Variants in PIGN observed in about 807,000 individuals in gnomAD.
The protein encoded by PIGN is GPI ethanolamine phosphate transferase 1.
PIGN carries 117 observed loss-of-function variants against 125.4 expected under a neutral mutation model. The ratio of observed to expected loss-of-function variants is 0.93; its 90% CI spans 0.80 to 1.09. The LOEUF (loss-of-function observed/expected upper bound fraction) is 1.09, where lower values mean the gene tolerates loss of function less well. Ranked by LOEUF, PIGN falls within the 50% of genes least tolerant of loss-of-function variation. The pLI, the probability that PIGN is intolerant of heterozygous loss-of-function variation, is 0.00. For missense variants in PIGN, 1,075 were observed against 1,094.9 expected (o/e 0.98, Z 0.26); for synonymous variants, 392 against 377.8 (o/e 1.04, Z -0.44).
Position 62,147,055 on chromosome 18 carries a change from T to G in PIGN, c.721A>C (p.Ile241Leu). 2 of 1,608,778 alleles carry G rather than the reference T, an allele frequency of 1.2e-6. No individual in the cohort carries two copies. Among genetic ancestry groups the G allele is most frequent in the Non-Finnish European group, 1.7e-6 (2 of 1,175,858 alleles). ...TAGAAGTGGTTAAACATAGACACGA[T>G]TTCTTTAACTCCATCATCAACTTTT... Reference protein sequence around the residue: ...IKKVDDGVKEIVSMFNHFYGN... With the variant: ...IKKVDDGVKELVSMFNHFYGN... The change falls in exon 9 of 31, where the codon ATC (isoleucine) becomes CTC (leucine). Residue 241 changes from isoleucine (I) to leucine (L), a missense_variant. Coordinates refer to ENST00000640252, the MANE Select transcript of PIGN (RefSeq NM_176787.5).
intron 14 of PIGN, among the ~76,000 whole-genome samples, chr18:62,121,411 A>G (rs1192375417): frequency 6.6e-6 from 1 of 152,280 alleles, no homozygotes; most frequent in East Asian, 1.9e-4. Context: ...TATCACTAAA[A>G]GCTGATAATC....
chr18:62,148,778 G>A (rs7245083), intron 7 of PIGN, among the ~76,000 whole-genome samples: 6,304 of 152,052 alleles, frequency 0.041, 428 homozygotes, highest in African/African-American at 0.14. Flanking sequence ...TAGTCCAACC[G>A]TAATCTCTAA....
intron 14 of PIGN, among the ~76,000 whole-genome samples, chr18:62,120,840 A>C (rs2035275399): frequency 6.6e-6 from 1 of 152,090 alleles, no homozygotes; most frequent in African/African-American, 2.4e-5. Flanking sequence ...AACAAACCTA[A>C]ATATATCAGT....
At chr18:62,140,049 C>T (rs2036078574) in intron 12 of PIGN, among the ~76,000 whole-genome samples, 1 of 152,112 alleles carries the variant, frequency 6.6e-6, no homozygotes. Context: ...ATAAATCATA[C>T]ACATTTTAGA....
In PIGN at chr18:62,050,626, T is replaced by C. The variant is rs370124356; in HGVS notation, c.2673-4647A>G. ...CTGAGACAGTGGGGTTTTCTAGATA[T>C]ACAATCATGTCATCTGCAAACAGGG... On this transcript the variant is annotated intron_variant, in intron 30 of 30. Coordinates refer to ENST00000640252, the MANE Select transcript of PIGN (RefSeq NM_176787.5). 2.3e-4 allele frequency among the ~76,000 whole-genome samples: 35 copies of C among 152,012 alleles called. No homozygotes were observed. In the South Asian group the frequency reaches 6.9e-3, roughly 30 times the overall value.
chr18:62,071,597 A>T (rs1462745484), intron 30 of PIGN, among the ~76,000 whole-genome samples: 1 of 152,068 alleles, frequency 6.6e-6, no homozygotes, highest in Non-Finnish European at 1.5e-5. Context: ...GTTTTAGTCA[A>T]CAATGGACTG....
intron 30 of PIGN, among the ~76,000 whole-genome samples, chr18:62,054,407 T>A (rs898932360): frequency 8.0e-5 from 12 of 150,612 alleles, no homozygotes; most frequent in South Asian, 4.2e-4. Flanking sequence ...AAGGGCCCTG[T>A]TAAGAGGGTA....
intron 30 of PIGN, chr18:62,069,859 G>A (rs906212796): frequency 6.6e-6 from 1 of 152,134 alleles, no homozygotes; most frequent in African/African-American, 2.4e-5. Context: ...ATTTCATTAT[G>A]TGTAGTTTAC....
chr18:62,033,013 C>T (rs1417274595), intron 23 of PIGN, among the ~76,000 whole-genome samples: 1 of 152,196 alleles, frequency 6.6e-6, no homozygotes, highest in Non-Finnish European at 1.5e-5. Context: ...TGTAGAGTAA[C>T]TAGGCAGGCT....
chr18:62,039,288 C>A (rs1365391453), downstream of PIGN, among the ~76,000 whole-genome samples: 8 of 152,216 alleles, frequency 5.3e-5, no homozygotes, highest in East Asian at 1.5e-3. Context: ...CTCCCTCACC[C>A]AGTTTCTCTT....
chr18:62,055,207 T>C (rs1326164678), intron 30 of PIGN, among the ~76,000 whole-genome samples: 2 of 152,234 alleles, frequency 1.3e-5, no homozygotes, highest in African/African-American at 2.4e-5. Flanking sequence ...AGAATGTTTA[T>C]AGGATCTTTA....
At chr18:62,111,204 A>G (rs919521439) in intron 16 of PIGN, among the ~76,000 whole-genome samples, 9 of 152,196 alleles carry the variant, frequency 5.9e-5, no homozygotes, top group Middle Eastern at 6.8e-3. Flanking sequence ...CCCTCCATCT[A>G]TATTATGAGA....
chr18:62,056,256 G>A (rs1038493344), intron 30 of PIGN, among the ~76,000 whole-genome samples: 1 of 151,540 alleles, frequency 6.6e-6, no homozygotes, highest in African/African-American at 2.4e-5. Flanking sequence ...TGTAATACGG[G>A]CATTAGAATC....
At position 62,066,061 on chromosome 18, in the gene PIGN, T is replaced by A. The variant is rs144740876; in HGVS notation, c.2672+6612A>T. On this transcript the variant is annotated intron_variant, in intron 30 of 30. Coordinates refer to ENST00000640252, the MANE Select transcript of PIGN (RefSeq NM_176787.5). ...AGCTTTAGTTTTGGCAGCCTAATACTCCCACAGGCTTTCTTTAACCATAGC... is the reference window on the plus strand; with the variant it reads ...AGCTTTAGTTTTGGCAGCCTAATACACCCACAGGCTTTCTTTAACCATAGC... Among the ~76,000 whole-genome samples the A allele has an allele frequency of 2.4e-3, 364 of 152,328 alleles. 3 individuals carry two copies. Among genetic ancestry groups the A allele is most frequent in the African/African-American group, 8.3e-3 (344 of 41,562 alleles).
At chr18:62,071,225 G>T (rs546960969) in intron 30 of PIGN, among the ~76,000 whole-genome samples, 135 of 152,202 alleles carry the variant, frequency 8.9e-4, no homozygotes, top group African/African-American at 3.0e-3. Context: ...TACTGCAACC[G>T]GAACAACCTC....
intron 29 of PIGN, among the ~76,000 whole-genome samples, chr18:62,073,771 T>C (rs149922983): frequency 2.6e-5 from 4 of 152,166 alleles, no homozygotes; most frequent in African/African-American, 9.7e-5. Context: ...TGGCATGGGA[T>C]GTTATATGGT....
intron 9 of PIGN, 91 bp from the exon 10 acceptor site, chr18:62,146,116 G>T (rs1237154578): frequency 1.8e-6 from 1 of 569,628 alleles, no homozygotes; most frequent in East Asian, 3.0e-5. Flanking sequence ...TTAAAGAGTT[G>T]ATCCATATAT....
intron 1 of PIGN, among the ~76,000 whole-genome samples, chr18:62,180,869 T>C (rs1260870557): frequency 2.6e-5 from 4 of 152,208 alleles, no homozygotes; most frequent in African/African-American, 7.2e-5. Flanking sequence ...TTATCCTTTC[T>C]GGTGTGAGTT....
At chr18:62,076,915 A>C (rs181024993) in intron 28 of PIGN, among the ~76,000 whole-genome samples, 128 of 152,284 alleles carry the variant, frequency 8.4e-4, no homozygotes, top group Admixed American at 1.8e-3. Flanking sequence ...TATCAATCCC[A>C]ATAAAGGCAT....
Sources: allele counts gnomAD v4.1 joint callset (sites outside exome capture counted in the v4.1 genomes callset), GRCh38; gene constraint gnomAD v4.1.1; transcripts MANE v1.5; gene names NCBI Gene and HGNC (gene_info 2026-07-23, HGNC 2026-07-21).